Variants in ANO3 observed in about 807,000 individuals in gnomAD.
ANO3 encodes the protein anoctamin 3.
A neutral mutation model predicts 144.8 loss-of-function variants in ANO3; 99 were observed. The ratio of observed to expected loss-of-function variants is 0.68; its 90% CI spans 0.58 to 0.81. The LOEUF is 0.81. Ranked by LOEUF, ANO3 falls within the 30% of genes least tolerant of loss-of-function variation. The probability of loss-of-function intolerance (pLI) is 0.00; values close to 1 mark genes in which losing one functional copy is unlikely to be tolerated. For missense variants in ANO3, 905 were observed against 1,202.2 expected, an observed-to-expected ratio of 0.75 and a Z score of 3.66; for synonymous variants, 414 against 392.6, an observed-to-expected ratio of 1.05 and a Z score of -0.64.
chr11:26,526,856 C>T (rs1056828937), intron 7 of ANO3, among the ~76,000 whole-genome samples: 2 of 152,118 alleles, frequency 1.3e-5, no homozygotes, highest in South Asian at 4.1e-4. Flanking sequence ...GGTATTTGGT[C>T]CTGGTCTATG....
chr11:26,381,611 C>T (rs1296454459), intron 1 of ANO3, among the ~76,000 whole-genome samples: 1 of 152,186 alleles, frequency 6.6e-6, no homozygotes, highest in Non-Finnish European at 1.5e-5. Context: ...CAATACCTAT[C>T]TCATAAAAGG....
At chr11:26,452,298 T>C (rs1429856812) in intron 3 of ANO3, among the ~76,000 whole-genome samples, 1 of 152,082 alleles carries the variant, frequency 6.6e-6, no homozygotes, top group East Asian at 1.9e-4. Flanking sequence ...CAGGAGGAAA[T>C]TCAAACCAAA....
intron 13 of ANO3, among the ~76,000 whole-genome samples, chr11:26,554,097 G>A (rs1366004029): frequency 6.6e-6 from 1 of 151,946 alleles, no homozygotes; most frequent in Non-Finnish European, 1.5e-5. Context: ...CTGCCTCCCT[G>A]ACCTTCCCCT....
At chr11:26,304,008 C>A (rs530178734) in intron 1 of ANO3, among the ~76,000 whole-genome samples, 2 of 152,026 alleles carry the variant, frequency 1.3e-5, no homozygotes, top group African/African-American at 4.8e-5. Context: ...CCATCGTGCA[C>A]GGCCAAAATT....
chr11:26,383,922 G>C (rs1160070521), intron 1 of ANO3, among the ~76,000 whole-genome samples: 1 of 91,426 alleles, frequency 1.1e-5, no homozygotes, highest in Non-Finnish European at 2.0e-5. Context: ...TTTTGAGACG[G>C]AATCTCTCTC....
At chr11:26,337,925 ACT>A (rs2133895418) in intron 1 of ANO3, among the ~76,000 whole-genome samples, 1 of 151,970 alleles carries the variant, frequency 6.6e-6, no homozygotes, top group African/African-American at 2.4e-5. Context: ...ATAGAGCAAA[ACT>A]CAGTCTCAAA....
chr11:26,460,126 T>A (rs1004689905), intron 3 of ANO3: 7 of 453,856 alleles, frequency 1.5e-5, no homozygotes, highest in African/African-American at 1.4e-4. Context: ...TCTTTGCATA[T>A]CATTCATCAG....
At chr11:26,293,141 A>C (rs1434866558) in intron 1 of ANO3, among the ~76,000 whole-genome samples, 1 of 152,168 alleles carries the variant, frequency 6.6e-6, no homozygotes, top group African/African-American at 2.4e-5. Flanking sequence ...CCCATTTTAA[A>C]AGGTGTTTTG....
chr11:26,578,529 G>A (rs1474285023), intron 14 of ANO3, among the ~76,000 whole-genome samples: 2 of 152,202 alleles, frequency 1.3e-5, no homozygotes, highest in Non-Finnish European at 2.9e-5. Context: ...TGTTTCAAAA[G>A]TTGGGAAGGA....
At chr11:26,347,724 CA>C (rs1590280566) in intron 1 of ANO3, among the ~76,000 whole-genome samples, 1 of 151,846 alleles carries the variant, frequency 6.6e-6, no homozygotes, top group East Asian at 1.9e-4. Context: ...AAGGCATAGA[CA>C]AAAGAAAATG....
At chr11:26,554,916 T>C (rs1230519277) in intron 13 of ANO3, among the ~76,000 whole-genome samples, 1 of 152,128 alleles carries the variant, frequency 6.6e-6, no homozygotes, top group Non-Finnish European at 1.5e-5. Flanking sequence ...ATTTTGTGCA[T>C]TTTGGGGGTG....
At chr11:26,558,149 A>C (rs1850144182) in intron 13 of ANO3, among the ~76,000 whole-genome samples, 1 of 152,210 alleles carries the variant, frequency 6.6e-6, no homozygotes, top group South Asian at 2.1e-4. Flanking sequence ...GTAAGAAAAA[A>C]AATGAGAAGC....
Position 26,631,644 on chromosome 11 carries a change from T to C in ANO3, c.1874-2560T>C, listed in dbSNP as rs539844691. Reference sequence around the variant, plus strand: ...CAACTGAATTTAAAAAGCTGAAAAATGACTGACACTTGAGGAGTAAAAGCA... The same window carrying C: ...CAACTGAATTTAAAAAGCTGAAAAACGACTGACACTTGAGGAGTAAAAGCA... On this transcript the variant is annotated intron_variant, in intron 18 of 26. Transcript: ENST00000256737. Among the ~76,000 whole-genome samples the C allele has an allele frequency of 1.2e-4, 18 of 152,152 alleles. No homozygotes were observed. The East Asian group carries it at 2.7e-3, about 23-fold the overall frequency.
chr11:26,498,818 T>A (rs994277082), intron 4 of ANO3, among the ~76,000 whole-genome samples: 27 of 151,934 alleles, frequency 1.8e-4, no homozygotes, highest in African/African-American at 6.5e-4. Context: ...ACTGTATAAG[T>A]TATATAGTAA....
chr11:26,519,240 T>A (rs989160581), intron 6 of ANO3, among the ~76,000 whole-genome samples: 2 of 152,180 alleles, frequency 1.3e-5, no homozygotes, highest in Non-Finnish European at 2.9e-5. Context: ...TCAGGCTGAA[T>A]GAATATGGTA....
chr11:26,650,777 A>G (rs1853506366), intron 24 of ANO3, among the ~76,000 whole-genome samples: 1 of 152,186 alleles, frequency 6.6e-6, no homozygotes, highest in African/African-American at 2.4e-5. Context: ...GCTGAATGCC[A>G]AAGCGTAATG....
intron 4 of ANO3, among the ~76,000 whole-genome samples, chr11:26,490,800 T>C (rs1860676042): frequency 1.3e-5 from 2 of 152,218 alleles, no homozygotes; most frequent in Non-Finnish European, 2.9e-5. Context: ...AAGTGTTTCC[T>C]TCATGAAAGA....
intron 1 of ANO3, among the ~76,000 whole-genome samples, chr11:26,429,815 A>G (rs1452572106): frequency 2.6e-5 from 4 of 152,224 alleles, no homozygotes; most frequent in Non-Finnish European, 5.9e-5. Flanking sequence ...TTATAAATAA[A>G]TCAGTATCAT....
chr11:26,392,331 T>C (rs1856904187), intron 1 of ANO3, among the ~76,000 whole-genome samples: 2 of 151,872 alleles, frequency 1.3e-5, no homozygotes, highest in African/African-American at 4.8e-5. Flanking sequence ...TTAGAGTATA[T>C]TTGATAACTT....
Sources: gnomAD v4.1 joint callset for allele counts (sites outside exome capture counted in the v4.1 genomes callset) on GRCh38, gnomAD v4.1.1 for gene constraint, MANE v1.5 for transcripts, NCBI Gene and HGNC (gene_info 2026-07-23, HGNC 2026-07-21) for gene names.